The following SDCCAG8 variants were observed in gnomAD, a reference collection of about 807,000 sequenced individuals.
The protein encoded by SDCCAG8 is serologically defined colon cancer antigen 8.
Under a neutral mutation model 101.8 loss-of-function variants are expected in SDCCAG8, and 74 were observed. That is an observed-to-expected ratio of 0.73 (90% CI 0.60 to 0.88). The LOEUF is 0.88. Ranked by LOEUF, SDCCAG8 falls within the 40% of genes least tolerant of loss-of-function variation. The pLI, the probability that SDCCAG8 is intolerant of heterozygous loss-of-function variation, is 0.00. For missense variants in SDCCAG8, 787 were observed against 822.6 expected (o/e 0.96, Z 0.53); for synonymous variants, 281 against 292.9 (o/e 0.96, Z 0.41).
intron 2 of SDCCAG8, among the ~76,000 whole-genome samples, chr1:243,270,731 A>G (rs2068011343): frequency 6.6e-6 from 1 of 152,140 alleles, no homozygotes; most frequent in Non-Finnish European, 1.5e-5. Context: ...AGCACTGTGC[A>G]TAGCTTTAGG....
chr1:243,318,883 A>G (rs1056505936), intron 9 of SDCCAG8, among the ~76,000 whole-genome samples: 10 of 152,234 alleles, frequency 6.6e-5, no homozygotes, highest in East Asian at 1.9e-4. Context: ...AAATTAAGCT[A>G]CCGCTCTGTG....
chr1:243,403,471 G>A (rs2079538921), intron 13 of SDCCAG8, among the ~76,000 whole-genome samples: 1 of 152,184 alleles, frequency 6.6e-6, no homozygotes, highest in African/African-American at 2.4e-5. Flanking sequence ...TGTCAGTGCT[G>A]TACTAACAGT....
chr1:243,448,340 C>T (rs1162014659), intron 16 of SDCCAG8, among the ~76,000 whole-genome samples: 1 of 152,184 alleles, frequency 6.6e-6, no homozygotes, highest in Non-Finnish European at 1.5e-5. Flanking sequence ...TTCCGTTCTT[C>T]TCAGGAATCT....
At chr1:243,498,454 G>A (rs914541773) in intron 17 of SDCCAG8, among the ~76,000 whole-genome samples, 1 of 152,144 alleles carries the variant, frequency 6.6e-6, no homozygotes, top group Non-Finnish European at 1.5e-5. Context: ...AGGTTTACGA[G>A]GAGGAGTGAG....
At chr1:243,340,331 G>A (rs908427879) in intron 10 of SDCCAG8, among the ~76,000 whole-genome samples, 2 of 152,146 alleles carry the variant, frequency 1.3e-5, no homozygotes, top group South Asian at 4.1e-4. Flanking sequence ...CAGTGAGAGT[G>A]GACACAGGCT....
At chr1:243,454,418 G>A (rs369346567) in intron 16 of SDCCAG8, among the ~76,000 whole-genome samples, 6 of 151,994 alleles carry the variant, frequency 3.9e-5, no homozygotes, top group African/African-American at 9.7e-5. Flanking sequence ...GGCCTGGTTC[G>A]CTCACGTTTG....
chr1:243,480,811 T>G (rs1190422569), intron 16 of SDCCAG8, among the ~76,000 whole-genome samples: 2 of 92,534 alleles, frequency 2.2e-5, no homozygotes, highest in South Asian at 4.0e-4. Flanking sequence ...GATGGATGGA[T>G]GGGTGGGATG....
chr1:243,365,122 G>C (rs1330577715), intron 12 of SDCCAG8, among the ~76,000 whole-genome samples: 1 of 152,172 alleles, frequency 6.6e-6, no homozygotes, highest in Non-Finnish European at 1.5e-5. Flanking sequence ...CGAAGAGTCT[G>C]GAGCTTGAGT....
intron 10 of SDCCAG8, among the ~76,000 whole-genome samples, chr1:243,331,843 G>A (rs774386778): frequency 2.9e-4 from 44 of 151,876 alleles, no homozygotes; most frequent in Middle Eastern, 3.4e-3. Flanking sequence ...TCACAGGAAC[G>A]ATGCAGTTTC....
intron 11 of SDCCAG8, among the ~76,000 whole-genome samples, chr1:243,342,699 C>T (rs1420234521): frequency 6.6e-6 from 1 of 151,804 alleles, no homozygotes; most frequent in African/African-American, 2.4e-5. Flanking sequence ...TCATTTTTTT[C>T]CTGTCACTCT....
intron 4 of SDCCAG8, among the ~76,000 whole-genome samples, chr1:243,277,727 C>T (rs957715603): frequency 1.3e-5 from 2 of 152,076 alleles, no homozygotes; most frequent in Non-Finnish European, 2.9e-5. Context: ...TTACCAAATC[C>T]AGGTTCACTA....
intron 5 of SDCCAG8, among the ~76,000 whole-genome samples, chr1:243,290,572 C>G (rs1426093256): frequency 2.0e-5 from 3 of 152,254 alleles, no homozygotes; most frequent in African/African-American, 7.2e-5. Flanking sequence ...AAGTCCCTTA[C>G]TTGATTCTTT....
chr1:243,415,479 C>G (rs945307619), intron 13 of SDCCAG8, among the ~76,000 whole-genome samples: 2 of 152,180 alleles, frequency 1.3e-5, no homozygotes, highest in African/African-American at 4.8e-5. Flanking sequence ...GATGTTTTGA[C>G]ACTGCACACT....
At chr1:243,365,251 A>C (rs931317289) in intron 12 of SDCCAG8, among the ~76,000 whole-genome samples, 2 of 152,064 alleles carry the variant, frequency 1.3e-5, no homozygotes, top group African/African-American at 4.8e-5. Flanking sequence ...CCCTAACTGC[A>C]TGTTTTTTTC....
At chr1:243,292,434 C>A (rs2070367879) in intron 5 of SDCCAG8, among the ~76,000 whole-genome samples, 2 of 152,134 alleles carry the variant, frequency 1.3e-5, no homozygotes, top group Admixed American at 1.3e-4. Flanking sequence ...CTCCTATCAC[C>A]CATGTCACTC....
intron 4 of SDCCAG8, among the ~76,000 whole-genome samples, chr1:243,276,431 TAATGTTTAA>T (rs2068579619): frequency 6.6e-6 from 1 of 152,204 alleles, no homozygotes; most frequent in South Asian, 2.1e-4. Flanking sequence ...AGAATTAAAA[TAATGTTTAA>T]GTGGTTTAGA....
intron 6 of SDCCAG8, among the ~76,000 whole-genome samples, chr1:243,294,696 T>TC (rs576179320): frequency 0.32 from 19,585 of 61,128 alleles, 2,505 homozygotes; most frequent in East Asian, 0.45. Flanking sequence ...CTTTCTAAAT[T>TC]CCCCCCCCCC....
intron 12 of SDCCAG8, among the ~76,000 whole-genome samples, chr1:243,373,982 C>G (rs1321214439): frequency 6.6e-6 from 1 of 151,922 alleles, no homozygotes; most frequent in East Asian, 1.9e-4. Flanking sequence ...GAAACTGAGG[C>G]AACATATAAT....
chr1:243,431,821 C>CT (rs1160327910), intron 16 of SDCCAG8, among the ~76,000 whole-genome samples: 2 of 152,208 alleles, frequency 1.3e-5, no homozygotes, highest in African/African-American at 4.8e-5. Context: ...CTGTCACCGA[C>CT]TCCCAGTAAT....
Sources: allele counts gnomAD v4.1 joint callset (sites outside exome capture counted in the v4.1 genomes callset), GRCh38; gene constraint gnomAD v4.1.1; transcripts MANE v1.5; gene names NCBI Gene and HGNC (gene_info 2026-07-23, HGNC 2026-07-21).